The following ME3 variants were observed in gnomAD, a reference collection of about 807,000 sequenced individuals.
The protein encoded by ME3 is NADP-dependent malic enzyme, mitochondrial.
In ME3, 48 loss-of-function variants were observed where a neutral mutation model predicts 68.9. That is an observed-to-expected ratio of 0.70 (90% CI 0.55 to 0.89). The LOEUF is 0.89. Ranked by LOEUF, ME3 falls within the 40% of genes least tolerant of loss-of-function variation. The probability of loss-of-function intolerance (pLI) is 0.00; values close to 1 mark genes in which losing one functional copy is unlikely to be tolerated. For missense variants in ME3, 675 were observed against 797.4 expected (o/e 0.85, Z 1.85); for synonymous variants, 320 against 318.8 (o/e 1.00, Z -0.04).
chr11:86,605,481 C>G (rs944983515), intron 2 of ME3, among the ~76,000 whole-genome samples: 8 of 152,178 alleles, frequency 5.3e-5, no homozygotes, highest in Admixed American at 5.2e-4. Flanking sequence ...GCTGGGGGCT[C>G]AGCTTTGCCA....
chr11:86,475,851 GTATATATA>G (rs68158647), intron 7 of ME3, among the ~76,000 whole-genome samples: 8 of 114,630 alleles, frequency 7.0e-5, no homozygotes, highest in Non-Finnish European at 1.2e-4. Flanking sequence ...CTAATATTCA[GTATATATA>G]TATATATATA....
At chr11:86,629,234 T>G (rs1349165986) in intron 2 of ME3, among the ~76,000 whole-genome samples, 1 of 152,218 alleles carries the variant, frequency 6.6e-6, no homozygotes, top group East Asian at 1.9e-4. Flanking sequence ...GAACTTGTAT[T>G]CCTTCGTCAT....
chr11:86,539,130 A>C (rs1187202490), intron 4 of ME3, among the ~76,000 whole-genome samples: 3 of 152,150 alleles, frequency 2.0e-5, no homozygotes, highest in Admixed American at 1.3e-4. Flanking sequence ...GTTGTTAATA[A>C]GGAGGAAGGG....
At chr11:86,631,686 C>T (rs1944025788) in intron 2 of ME3, among the ~76,000 whole-genome samples, 1 of 152,168 alleles carries the variant, frequency 6.6e-6, no homozygotes, top group Admixed American at 6.5e-5. Flanking sequence ...ATAATAATAA[C>T]AGGCATGGCA....
chr11:86,544,679 C>A (rs1249206558), intron 4 of ME3, among the ~76,000 whole-genome samples: 1 of 152,122 alleles, frequency 6.6e-6, no homozygotes, highest in Non-Finnish European at 1.5e-5. Context: ...GCCTACCAAC[C>A]AAAAACAGCC....
intron 8 of ME3, chr11:86,457,326 G>A (rs1949995292): frequency 1.1e-5 from 2 of 177,980 alleles, no homozygotes; most frequent in Non-Finnish European, 2.3e-5. Flanking sequence ...CTTCCTCCTT[G>A]GTCCCCATGA....
chr11:86,443,841 GAGA>G (rs1949140133), intron 13 of ME3, among the ~76,000 whole-genome samples: 1 of 152,160 alleles, frequency 6.6e-6, no homozygotes. Flanking sequence ...TCAAAACAGA[GAGA>G]AGGCCAAGTC....
chr11:86,441,343 T>C (rs1948986403), exon 15 of ME3: 1 of 1,613,316 alleles, frequency 6.2e-7, no homozygotes. Context: ...AAAGGAGTCA[T>C]AGTCTGGAGT....
chr11:86,539,543 T>C (rs948543612), intron 4 of ME3, among the ~76,000 whole-genome samples: 1 of 152,194 alleles, frequency 6.6e-6, no homozygotes, highest in African/African-American at 2.4e-5. Context: ...ACCACAAAGA[T>C]GGTGCTTAAC....
chr11:86,590,330 A>G (rs548099784), intron 2 of ME3, among the ~76,000 whole-genome samples: 17 of 152,350 alleles, frequency 1.1e-4, no homozygotes, highest in Admixed American at 1.0e-3. Flanking sequence ...TAAGGAGCTC[A>G]CATCCCAGTG....
rs146484721 is a variant in ME3 at position 86,621,979 on chromosome 11, C to G, written c.183+49783G>C. On this transcript the variant is annotated intron_variant, in intron 2 of 14. Coordinates refer to ENST00000543262, the Ensembl canonical transcript of ME3. ...TCCAGAGATAACAGGAAAGTTTCAA[C>G]TTCCAGCATTGTTAATGGGCGCCTA... 9.9e-5 allele frequency among the ~76,000 whole-genome samples: 15 copies of G among 152,054 alleles called. No homozygotes were observed. The East Asian group carries it at 2.5e-3, about 25-fold the overall frequency.
chr11:86,512,284 C>T lies in ME3; in HGVS notation c.468-3417G>A, dbSNP rs17149146. 9.0e-3 allele frequency among the ~76,000 whole-genome samples: 1,375 copies of T among 152,350 alleles called. 14 individuals carry two copies. Among genetic ancestry groups the T allele is most frequent in the African/African-American group, 0.031 (1,305 of 41,574 alleles). ...ACTTCCAATTCAAAGTAGAGGCTCTCTCCTGTATGCTCTCAAAGTACTCCA... is the reference window on the plus strand; with the variant it reads ...ACTTCCAATTCAAAGTAGAGGCTCTTTCCTGTATGCTCTCAAAGTACTCCA... On this transcript the variant is annotated intron_variant, in intron 4 of 14. Transcript: ENST00000543262.
intron 5 of ME3, among the ~76,000 whole-genome samples, chr11:86,499,155 G>C (rs1952556922): frequency 6.6e-6 from 1 of 152,142 alleles, no homozygotes; most frequent in South Asian, 2.1e-4. Flanking sequence ...AAGGGCATTT[G>C]ATACAAAAGA....
rs944609588 is a variant in ME3, at chr11:86,648,388, C to T, written c.183+23374G>A. Among the ~76,000 whole-genome samples the T allele has an allele frequency of 9.9e-5, 15 of 152,052 alleles. 1 individual carries two copies. Among genetic ancestry groups the T allele is most frequent in the African/African-American group, 3.4e-4 (14 of 41,508 alleles). ...TCAGAAAGCTGGAAAGATCTCAAAT[C>T]GACACCCTAACATCACAATTAAAAG... is the stretch of plus-strand genomic sequence containing the variant. On this transcript the variant is annotated intron_variant, in intron 2 of 14. Coordinates refer to ENST00000543262, the Ensembl canonical transcript of ME3.
intron 2 of ME3, among the ~76,000 whole-genome samples, chr11:86,580,174 G>T (rs963414835): frequency 6.6e-6 from 1 of 152,136 alleles, no homozygotes; most frequent in African/African-American, 2.4e-5. Flanking sequence ...TTCCGGAAAG[G>T]TCACTGGAAT....
intron 4 of ME3, among the ~76,000 whole-genome samples, chr11:86,536,749 C>A (rs1955691521): frequency 6.6e-6 from 1 of 151,058 alleles, no homozygotes; most frequent in African/African-American, 2.4e-5. Flanking sequence ...GGATCTAGAT[C>A]TAGAAATACC....
chr11:86,499,371 T>G (rs183190543), intron 5 of ME3, among the ~76,000 whole-genome samples: 56 of 152,272 alleles, frequency 3.7e-4, no homozygotes, highest in Non-Finnish European at 6.0e-4. Context: ...TCACCAGCAC[T>G]AGCTATCTCT....
intron 4 of ME3, among the ~76,000 whole-genome samples, chr11:86,526,506 C>T (rs774034999): frequency 1.3e-5 from 2 of 152,184 alleles, no homozygotes; most frequent in Admixed American, 6.5e-5. Flanking sequence ...TGTCTGACAG[C>T]GTTGAAGATA....
chr11:86,582,570 A>G (rs1311481736), intron 2 of ME3, among the ~76,000 whole-genome samples: 1 of 152,216 alleles, frequency 6.6e-6, no homozygotes, highest in Non-Finnish European at 1.5e-5. Context: ...AGCATTTCCT[A>G]AGGAGAGTGG....
Sources: allele counts gnomAD v4.1 joint callset (sites outside exome capture counted in the v4.1 genomes callset), GRCh38; gene constraint gnomAD v4.1.1; transcripts MANE v1.5; gene names NCBI Gene and HGNC (gene_info 2026-07-23, HGNC 2026-07-21).